SH3BGRL: variants seen among roughly 807,000 people sequenced by gnomAD.
The protein encoded by SH3BGRL is adapter SH3BGRL.
A neutral mutation model predicts 9.8 loss-of-function variants in SH3BGRL; 7 were observed. That is an observed-to-expected ratio of 0.72 (90% CI 0.41 to 1.35). SH3BGRL has a LOEUF of 1.35. SH3BGRL is among the 40% of genes most tolerant of loss of function. The probability of loss-of-function intolerance (pLI) is 0.01; values close to 1 mark genes in which losing one functional copy is unlikely to be tolerated. For missense variants in SH3BGRL, 73 were observed against 84.4 expected (o/e 0.86, Z 0.53); for synonymous variants, 36 against 29.1 (o/e 1.24, Z -0.76).
intron 1 of SH3BGRL, among the ~76,000 whole-genome samples, chrX:81,241,092 C>T (rs1602606532): frequency 8.9e-6 from 1 of 112,843 alleles, no homozygotes; most frequent in Non-Finnish European, 1.9e-5. Context: ...CTGGTGCCTG[C>T]TCTTGGGTGG....
At chrX:81,296,748 T>C (rs1291722975) in intron 3 of SH3BGRL, among the ~76,000 whole-genome samples, 1 of 111,921 alleles carries the variant, frequency 8.9e-6, no homozygotes, top group Non-Finnish European at 1.9e-5. Flanking sequence ...ACCTGATTTT[T>C]TGGTGTGTAT....
intron 3 of SH3BGRL, among the ~76,000 whole-genome samples, chrX:81,284,709 G>A (rs1210112492): frequency 9.0e-6 from 1 of 111,179 alleles, no homozygotes; most frequent in East Asian, 2.8e-4. Flanking sequence ...TATCCGCAAG[G>A]AGTGAGGGGA....
intron 3 of SH3BGRL, among the ~76,000 whole-genome samples, chrX:81,282,411 TA>T (rs1324461792): frequency 1.8e-5 from 2 of 111,629 alleles, no homozygotes; most frequent in Admixed American, 1.9e-4. Context: ...TTCTCCAACA[TA>T]GACCATATGA....
intron 1 of SH3BGRL, among the ~76,000 whole-genome samples, chrX:81,272,533 T>C (rs1424756862): frequency 9.7e-6 from 1 of 103,195 alleles, no homozygotes; most frequent in African/African-American, 3.6e-5. Context: ...CAGAGTCTCG[T>C]TCTGCCGCCC....
At chrX:81,230,758 C>A (rs1484876015) in intron 1 of SH3BGRL, among the ~76,000 whole-genome samples, 1 of 111,586 alleles carries the variant, frequency 9.0e-6, no homozygotes, top group Non-Finnish European at 1.9e-5. Context: ...TATTTTCGTC[C>A]ATATAACATT....
chrX:81,202,515 A>G (rs1156792670), intron 1 of SH3BGRL: 2 of 962,201 alleles, frequency 2.1e-6, no homozygotes, highest in African/African-American at 4.1e-5. Flanking sequence ...AAGTTTTGGG[A>G]GATGGGAGAT....
chrX:81,293,992 G>C (rs1053753007), intron 3 of SH3BGRL, among the ~76,000 whole-genome samples: 7 of 111,656 alleles, frequency 6.3e-5, no homozygotes, highest in African/African-American at 2.3e-4. Flanking sequence ...AGGTGGTTTA[G>C]GGTATCTGGT....
intron 3 of SH3BGRL, among the ~76,000 whole-genome samples, chrX:81,288,646 A>G (rs1037493028): frequency 8.9e-6 from 1 of 112,207 alleles, no homozygotes; most frequent in Non-Finnish European, 1.9e-5. Flanking sequence ...TCAACAGCAA[A>G]TAATATGAAA....
intron 3 of SH3BGRL, among the ~76,000 whole-genome samples, chrX:81,281,600 T>C (rs1292078086): frequency 1.8e-5 from 2 of 112,164 alleles, no homozygotes; most frequent in African/African-American, 6.5e-5. Flanking sequence ...GATTCAGCTC[T>C]TTTCAGACAA....
At chrX:81,240,625 T>C (rs1009413927) in intron 1 of SH3BGRL, among the ~76,000 whole-genome samples, 7 of 112,171 alleles carry the variant, frequency 6.2e-5, no homozygotes, top group African/African-American at 2.3e-4. Context: ...CCCAAAGCAA[T>C]CTCCAGATTC....
At chrX:81,272,545 G>A (rs1346924881) in intron 1 of SH3BGRL, among the ~76,000 whole-genome samples, 1 of 100,278 alleles carries the variant, frequency 1.0e-5, no homozygotes, top group East Asian at 3.1e-4. Flanking sequence ...CTGCCGCCCA[G>A]GCTGGAGTGC....
intron 1 of SH3BGRL, among the ~76,000 whole-genome samples, chrX:81,228,883 G>T (rs1449584560): frequency 8.9e-6 from 1 of 112,060 alleles, no homozygotes; most frequent in African/African-American, 3.2e-5. Flanking sequence ...ACTTATAGCT[G>T]TGACATATGA....
intron 1 of SH3BGRL, among the ~76,000 whole-genome samples, chrX:81,247,106 C>T (rs1403851012): frequency 2.7e-5 from 3 of 111,629 alleles, no homozygotes; most frequent in Non-Finnish European, 5.6e-5. Context: ...ACTTGGCTCT[C>T]AGCTTGGATG....
chrX:81,281,688 A>G (rs1478981580), intron 3 of SH3BGRL, among the ~76,000 whole-genome samples: 1 of 112,077 alleles, frequency 8.9e-6, no homozygotes, highest in Non-Finnish European at 1.9e-5. Flanking sequence ...CTGGAAACAC[A>G]TCAAAACAGA....
intron 1 of SH3BGRL, among the ~76,000 whole-genome samples, chrX:81,254,974 C>G (rs1055899513): frequency 2.4e-4 from 26 of 108,330 alleles, no homozygotes; most frequent in Admixed American, 8.8e-4. Context: ...CACTGCAACC[C>G]TTGCCTCTGG....
chrX:81,293,061 G>A (rs2075863233), intron 3 of SH3BGRL, among the ~76,000 whole-genome samples: 1 of 112,168 alleles, frequency 8.9e-6, no homozygotes, highest in Non-Finnish European at 1.9e-5. Context: ...ACGTGTTGTG[G>A]GAGAGACTCA....
chrX:81,244,700 C>A (rs1485089990), intron 1 of SH3BGRL, among the ~76,000 whole-genome samples: 1 of 111,014 alleles, frequency 9.0e-6, no homozygotes, highest in Non-Finnish European at 1.9e-5. Flanking sequence ...GCAGAATGTG[C>A]AGGATTTGTT....
intron 3 of SH3BGRL, among the ~76,000 whole-genome samples, chrX:81,286,839 C>T (rs1847678761): frequency 1.8e-5 from 2 of 111,094 alleles, no homozygotes; most frequent in Non-Finnish European, 3.8e-5. Context: ...ATGACTCATT[C>T]TACAAATACT....
intron 1 of SH3BGRL, among the ~76,000 whole-genome samples, chrX:81,215,713 C>A (rs754363339): frequency 7.4e-4 from 83 of 111,451 alleles, no homozygotes; most frequent in Non-Finnish European, 1.1e-3. Flanking sequence ...TCCAGTCCCC[C>A]TGACAATGAT....
Sources: allele counts gnomAD v4.1 joint callset (sites outside exome capture counted in the v4.1 genomes callset), GRCh38; gene constraint gnomAD v4.1.1; transcripts MANE v1.5; gene names NCBI Gene and HGNC (gene_info 2026-07-23, HGNC 2026-07-21).